CHN2: variants seen among roughly 807,000 people sequenced by gnomAD.
CHN2 encodes the protein beta-chimaerin.
Under a neutral mutation model 56.3 loss-of-function variants are expected in CHN2, and 35 were observed. The ratio of observed to expected loss-of-function variants is 0.62; its 90% CI spans 0.47 to 0.82. The LOEUF (loss-of-function observed/expected upper bound fraction) is 0.82, where lower values mean the gene tolerates loss of function less well. Among genes scored for constraint, CHN2 ranks in the 40% least tolerant of loss-of-function variants. The pLI is 0.00. For missense variants in CHN2, 491 were observed against 580.5 expected, an observed-to-expected ratio of 0.85 and a Z score of 1.58; for synonymous variants, 210 against 212.8, an observed-to-expected ratio of 0.99 and a Z score of 0.12.
intron 1 of CHN2, among the ~76,000 whole-genome samples, chr7:29,343,281 A>G (rs1258898401): frequency 6.6e-6 from 1 of 152,228 alleles, no homozygotes; most frequent in African/African-American, 2.4e-5. Context: ...TGTACCAGCA[A>G]GTAGGGAGAG....
At chr7:29,239,511 C>T (rs1457082274) in intron 1 of CHN2, among the ~76,000 whole-genome samples, 1 of 152,136 alleles carries the variant, frequency 6.6e-6, no homozygotes, top group Non-Finnish European at 1.5e-5. Flanking sequence ...TACACACACA[C>T]ACCCCTCAAC....
intron 11 of CHN2, 31 bp downstream of exon 11, chr7:29,507,396 A>G (rs769227028): frequency 1.9e-6 from 3 of 1,546,670 alleles, no homozygotes; most frequent in African/African-American, 1.4e-5. Flanking sequence ...TTTTATTTCT[A>G]CCAAATTTTT....
intron 3 of CHN2, among the ~76,000 whole-genome samples, chr7:29,373,563 G>A (rs1419641513): frequency 6.6e-6 from 1 of 152,152 alleles, no homozygotes; most frequent in Non-Finnish European, 1.5e-5. Context: ...CACTGCTTAA[G>A]TATTCCTACC....
chr7:29,384,262 A>G (rs1287651615), intron 3 of CHN2, among the ~76,000 whole-genome samples: 1 of 152,206 alleles, frequency 6.6e-6, no homozygotes, highest in East Asian at 1.9e-4. Context: ...TAAGTACATT[A>G]TATCTGTTAT....
intron 6 of CHN2, 40 bp from the exon 7 acceptor site, chr7:29,480,239 C>CT (rs1353227881): frequency 1.2e-6 from 2 of 1,614,156 alleles, no homozygotes; most frequent in Non-Finnish European, 1.7e-6. Context: ...TCAAAGGCGG[C>CT]TTTCTTTGGC....
chr7:29,185,685 C>T (rs1002786794), intron 2 of CHN2: 7 of 152,090 alleles, frequency 4.6e-5, no homozygotes, highest in Non-Finnish European at 1.0e-4. Flanking sequence ...AGCGTGATCT[C>T]GGCATTGGGA....
intron 2 of CHN2, among the ~76,000 whole-genome samples, chr7:29,183,035 C>T (rs1798253289): frequency 6.6e-6 from 1 of 151,846 alleles, no homozygotes; most frequent in South Asian, 2.1e-4. Context: ...CCAGAATCTT[C>T]CCATTATATG....
intron 1 of CHN2, among the ~76,000 whole-genome samples, chr7:29,286,184 C>G (rs373578900): frequency 6.6e-6 from 1 of 151,196 alleles, no homozygotes; most frequent in South Asian, 2.1e-4. Context: ...CATTCCCCCC[C>G]GCCCCCCATG....
intron 1 of CHN2, among the ~76,000 whole-genome samples, chr7:29,246,711 G>A (rs1788105101): frequency 6.6e-6 from 1 of 152,172 alleles, no homozygotes; most frequent in Admixed American, 6.5e-5. Context: ...TCACAGTTCT[G>A]GAGGCCAGGA....
At chr7:29,486,141 C>A (rs894854529) in intron 7 of CHN2, among the ~76,000 whole-genome samples, 3 of 152,094 alleles carry the variant, frequency 2.0e-5, no homozygotes, top group Non-Finnish European at 2.9e-5. Context: ...GGGAAACTCC[C>A]GATGGGAGGG....
intron 11 of CHN2, among the ~76,000 whole-genome samples, chr7:29,508,018 CA>C (rs1175751561): frequency 6.6e-6 from 1 of 152,034 alleles, no homozygotes; most frequent in South Asian, 2.1e-4. Flanking sequence ...TGATGCTGTT[CA>C]AAATGAATAG....
intron 6 of CHN2, among the ~76,000 whole-genome samples, chr7:29,468,037 T>A (rs997482460): frequency 6.6e-6 from 1 of 151,430 alleles, no homozygotes; most frequent in South Asian, 2.1e-4. Flanking sequence ...ATTGATAACA[T>A]GTCGGGGAGT....
chr7:29,224,027 A>C lies in CHN2; in HGVS notation c.49+29037A>C, dbSNP rs187309429. On this transcript the variant is annotated intron_variant, in intron 1 of 12. Coordinates refer to ENST00000222792, the MANE Select transcript of CHN2 (RefSeq NM_004067.4). ...TCTTTTCTATTTCAAGAACAGGAAG[A>C]CTTTCATCAAGGGAAAGGTGGGCCA... Among the ~76,000 whole-genome samples the C allele has an allele frequency of 1.5e-3, 233 of 152,306 alleles. 1 individual carries two copies. Among genetic ancestry groups the C allele is most frequent in the African/African-American group, 5.2e-3 (218 of 41,572 alleles).
chr7:29,358,519 G>A (rs1215489640), intron 2 of CHN2, among the ~76,000 whole-genome samples: 1 of 151,846 alleles, frequency 6.6e-6, no homozygotes, highest in Admixed American at 6.6e-5. Flanking sequence ...CCGGACTGCG[G>A]TGGTGCTATC....
At chr7:29,185,973 G>T (rs1798661668) in intron 2 of CHN2, among the ~76,000 whole-genome samples, 1 of 152,160 alleles carries the variant, frequency 6.6e-6, no homozygotes, top group African/African-American at 2.4e-5. Flanking sequence ...AATTCCTTCA[G>T]TTCCCCAGAG....
intron 1 of CHN2, among the ~76,000 whole-genome samples, chr7:29,204,593 T>C (rs927029907): frequency 1.9e-4 from 29 of 152,070 alleles, no homozygotes; most frequent in African/African-American, 6.8e-4. Context: ...ACCCTTTGAG[T>C]TGTTAATTTC....
intron 2 of CHN2, among the ~76,000 whole-genome samples, chr7:29,187,326 GGTGTGTGT>G (rs1798832694): frequency 6.6e-6 from 1 of 151,596 alleles, no homozygotes; most frequent in Admixed American, 6.6e-5. Context: ...ATCATCTAGT[GGTGTGTGT>G]GTTTGTGTGT....
At chr7:29,175,915 G>C (rs908373934) in intron 2 of CHN2, among the ~76,000 whole-genome samples, 2 of 152,266 alleles carry the variant, frequency 1.3e-5, no homozygotes, top group East Asian at 3.9e-4. Flanking sequence ...AGACGGGCGC[G>C]GTGGCTCATG....
At chr7:29,302,685 A>G (rs1404600150) in intron 1 of CHN2, among the ~76,000 whole-genome samples, 1 of 151,962 alleles carries the variant, frequency 6.6e-6, no homozygotes, top group Non-Finnish European at 1.5e-5. Context: ...TTATGTGGCC[A>G]TCACCACCAT....
Sources: gnomAD v4.1 joint callset for allele counts (sites outside exome capture counted in the v4.1 genomes callset) on GRCh38, gnomAD v4.1.1 for gene constraint, MANE v1.5 for transcripts, NCBI Gene and HGNC (gene_info 2026-07-23, HGNC 2026-07-21) for gene names.